The following LRRC4C variants were observed in gnomAD, a reference collection of about 807,000 sequenced individuals.
LRRC4C encodes the protein leucine rich repeat containing 4C.
A neutral mutation model predicts 33.6 loss-of-function variants in LRRC4C; 5 were observed. That is an observed-to-expected ratio of 0.15 (90% CI 0.08 to 0.31). The LOEUF (loss-of-function observed/expected upper bound fraction) is 0.31. LRRC4C is among the 10% of genes least tolerant of loss of function. The pLI is 1.00. For missense variants in LRRC4C, 560 were observed against 796.7 expected, an observed-to-expected ratio of 0.70 and a Z score of 3.58; for synonymous variants, 329 against 302.0, an observed-to-expected ratio of 1.09 and a Z score of -0.93.
At chr11:40,335,767 T>C (rs993503531) in intron 3 of LRRC4C, among the ~76,000 whole-genome samples, 12 of 152,216 alleles carry the variant, frequency 7.9e-5, no homozygotes, top group Admixed American at 7.2e-4. Context: ...ATTTATGTAA[T>C]TACTCATTCA....
intron 2 of LRRC4C, among the ~76,000 whole-genome samples, chr11:40,771,010 G>A (rs1441322360): frequency 6.6e-6 from 1 of 152,202 alleles, no homozygotes; most frequent in Non-Finnish European, 1.5e-5. Context: ...GAGAATGGTA[G>A]CTTTCTTCTT....
intron 1 of LRRC4C, among the ~76,000 whole-genome samples, chr11:41,161,025 G>A (rs1414803510): frequency 6.6e-6 from 1 of 152,136 alleles, no homozygotes; most frequent in Non-Finnish European, 1.5e-5. Context: ...ATGTGCTGTA[G>A]GTCATCTAAA....
intron 5 of LRRC4C, among the ~76,000 whole-genome samples, chr11:40,192,069 A>C (rs1030033547): frequency 1.3e-5 from 2 of 152,136 alleles, no homozygotes; most frequent in African/African-American, 2.4e-5. Context: ...TCTAATCTGA[A>C]AGATTAGACA....
At chr11:40,513,364 T>C (rs1048098168) in intron 3 of LRRC4C, among the ~76,000 whole-genome samples, 1 of 151,394 alleles carries the variant, frequency 6.6e-6, no homozygotes, top group African/African-American at 2.4e-5. Flanking sequence ...CTTGGGGAAA[T>C]GAAGCTAGAC....
intron 5 of LRRC4C, among the ~76,000 whole-genome samples, chr11:40,241,053 C>G (rs1365509669): frequency 6.6e-6 from 1 of 152,038 alleles, no homozygotes. Flanking sequence ...TTTATAAAAG[C>G]CTTTTGGTTA....
chr11:41,430,681 A>G (rs926077415), intron 1 of LRRC4C, among the ~76,000 whole-genome samples: 12 of 152,164 alleles, frequency 7.9e-5, no homozygotes, highest in Non-Finnish European at 1.5e-4. Context: ...TCCTTTGGAG[A>G]AAATAACTTG....
At chr11:40,147,908 T>G (rs191786854) in intron 5 of LRRC4C, among the ~76,000 whole-genome samples, 4,303 of 152,142 alleles carry the variant, frequency 0.028, 64 homozygotes, top group South Asian at 0.051. Flanking sequence ...ACCCTCACCC[T>G]GATAGGCCCC....
At chr11:40,165,131 CA>C (rs1459704278) in intron 5 of LRRC4C, among the ~76,000 whole-genome samples, 3 of 152,132 alleles carry the variant, frequency 2.0e-5, no homozygotes, top group Non-Finnish European at 4.4e-5. Flanking sequence ...ATATGACATA[CA>C]ACTAGGTGTA....
At chr11:40,992,484 A>T (rs1192692530) in intron 1 of LRRC4C, among the ~76,000 whole-genome samples, 1 of 150,794 alleles carries the variant, frequency 6.6e-6, no homozygotes, top group Non-Finnish European at 1.5e-5. Flanking sequence ...AAAGGGCGGG[A>T]TCTTAACATC....
chr11:40,247,484 T>C (rs2060855), intron 4 of LRRC4C, among the ~76,000 whole-genome samples: 114,149 of 152,032 alleles, frequency 0.75, 46,556 homozygotes, highest in East Asian at 0.95. Context: ...AGGTGTACAA[T>C]CCTATGACGA....
chr11:41,161,441 A>G (rs958685172), intron 1 of LRRC4C, among the ~76,000 whole-genome samples: 3 of 152,186 alleles, frequency 2.0e-5, no homozygotes, highest in Non-Finnish European at 4.4e-5. Context: ...AGTGCATACT[A>G]TTAAATCCAG....
chr11:40,559,831 CT>C (rs534340691), intron 3 of LRRC4C, among the ~76,000 whole-genome samples: 1 of 151,824 alleles, frequency 6.6e-6, no homozygotes, highest in African/African-American at 2.4e-5. Flanking sequence ...TGATATTAAG[CT>C]TTTTTTTCAC....
chr11:40,336,704 C>T (rs187402267), intron 3 of LRRC4C, among the ~76,000 whole-genome samples: 38 of 152,096 alleles, frequency 2.5e-4, no homozygotes, highest in African/African-American at 8.2e-4. Context: ...GGGCTGGGCA[C>T]GGTGGCTCAC....
At chr11:41,158,635 A>C (rs1944335548) in intron 1 of LRRC4C, among the ~76,000 whole-genome samples, 1 of 152,088 alleles carries the variant, frequency 6.6e-6, no homozygotes, top group Admixed American at 6.6e-5. Context: ...CACAAAGTTC[A>C]CCCCAAACAA....
chr11:40,261,028 G>A (rs1381119359), intron 4 of LRRC4C, among the ~76,000 whole-genome samples: 1 of 152,038 alleles, frequency 6.6e-6, no homozygotes, highest in Non-Finnish European at 1.5e-5. Context: ...CTACTGGCAA[G>A]CACCACCATA....
chr11:41,072,701 A>G (rs1938797432), intron 1 of LRRC4C, among the ~76,000 whole-genome samples: 1 of 152,158 alleles, frequency 6.6e-6, no homozygotes, highest in African/African-American at 2.4e-5. Context: ...CGACTAATAC[A>G]CTTAGTTTGG....
intron 1 of LRRC4C, among the ~76,000 whole-genome samples, chr11:41,184,916 C>T (rs974571056): frequency 1.3e-5 from 2 of 151,662 alleles, no homozygotes; most frequent in East Asian, 1.9e-4. Context: ...TCATATCTTA[C>T]GTGGATGGTG....
chr11:41,115,731 A>G (rs1942083132), intron 1 of LRRC4C, among the ~76,000 whole-genome samples: 1 of 152,084 alleles, frequency 6.6e-6, no homozygotes, highest in Non-Finnish European at 1.5e-5. Context: ...TAAGTTCTCT[A>G]AAGGTAATCA....
chr11:40,849,876 G>A (rs1000065659), intron 2 of LRRC4C, among the ~76,000 whole-genome samples: 1 of 151,204 alleles, frequency 6.6e-6, no homozygotes, highest in African/African-American at 2.4e-5. Flanking sequence ...ATTTCAATAA[G>A]TTGATTTTCA....
Sources: gnomAD v4.1 joint callset for allele counts (sites outside exome capture counted in the v4.1 genomes callset) on GRCh38, gnomAD v4.1.1 for gene constraint, MANE v1.5 for transcripts, NCBI Gene and HGNC (gene_info 2026-07-23, HGNC 2026-07-21) for gene names.